NT5E: variants seen among roughly 807,000 people sequenced by gnomAD.
NT5E encodes 5'-nucleotidase ecto, also known as 5'-nucleotidase.
In NT5E, 53 loss-of-function variants were observed where a neutral mutation model predicts 55.1. That is an observed-to-expected ratio of 0.96 (90% CI 0.77 to 1.21). The LOEUF (loss-of-function observed/expected upper bound fraction) is 1.21. NT5E is among the 50% of genes most tolerant of loss of function. The pLI is 0.00. For synonymous variants in NT5E, 270 were observed against 278.4 expected (o/e 0.97, Z 0.30); for missense variants, 683 against 724.3 (o/e 0.94, Z 0.65).
At chr6:85,488,944 A>G (rs1359268484) in intron 5 of NT5E, among the ~76,000 whole-genome samples, 1 of 110,374 alleles carries the variant, frequency 9.1e-6, no homozygotes, top group Admixed American at 1.1e-4. Context: ...TTTATTTCTT[A>G]TAACTAAACA....
At chr6:85,485,563 T>C (rs1769635954) in intron 4 of NT5E, 131 bp downstream of exon 4, 1 of 952,898 alleles carries the variant, frequency 1.0e-6, no homozygotes, top group South Asian at 1.4e-5. Context: ...AGTTTCTTCC[T>C]TGAGTTTGCC....
chr6:85,475,725 G>A (rs1378117016), intron 3 of NT5E, among the ~76,000 whole-genome samples: 2 of 152,174 alleles, frequency 1.3e-5, no homozygotes, highest in East Asian at 3.8e-4. Flanking sequence ...TTGCCTCCCA[G>A]TATTTTAAGT....
chr6:85,477,932 C>T (rs936207593), intron 3 of NT5E, among the ~76,000 whole-genome samples: 2 of 150,708 alleles, frequency 1.3e-5, no homozygotes, highest in African/African-American at 2.5e-5. Flanking sequence ...GAGGCTGAGG[C>T]AGGAGCATCA....
chr6:85,485,663 T>C (rs1190593359), intron 4 of NT5E, among the ~76,000 whole-genome samples: 2 of 152,228 alleles, frequency 1.3e-5, no homozygotes, highest in Admixed American at 6.5e-5. Context: ...CATACATCAC[T>C]GCTTCCTCTG....
chr6:85,458,810 C>T (rs767155057), intron 1 of NT5E, among the ~76,000 whole-genome samples: 17 of 152,138 alleles, frequency 1.1e-4, no homozygotes, highest in Admixed American at 8.5e-4. Context: ...AGAGTTTGTA[C>T]GTCCCCCCTC....
rs1163771300 is a variant in NT5E at position 85,450,228 on chromosome 6, C to T, written c.89C>T (p.Thr30Met). ...LWPAAGAWEL[T>M]ILHTNDVHSR... is the part of the protein sequence containing the mutation. Reference sequence around the variant, plus strand: ...CCTGCGGCTGGCGCCTGGGAGCTTACGATTTTGCACACCAACGACGTGCAC... The same window carrying T: ...CCTGCGGCTGGCGCCTGGGAGCTTATGATTTTGCACACCAACGACGTGCAC... The change falls in exon 1 of 9, where the codon ACG (threonine) becomes ATG (methionine). Residue 30 changes from threonine (T) to methionine (M), a missense_variant. Transcript: ENST00000257770. The surrounding 1 kb of genome is among the most constrained non-coding windows in gnomAD (Gnocchi z 4.0). 2 of 1,609,968 alleles carry T rather than the reference C, an allele frequency of 1.2e-6. No individual in the cohort carries two copies. The highest frequency in any genetic ancestry group is 1.1e-5 in the South Asian group (1 of 90,430).
chr6:85,465,546 G>A (rs1041932777), intron 1 of NT5E, among the ~76,000 whole-genome samples: 2 of 152,272 alleles, frequency 1.3e-5, no homozygotes, highest in Admixed American at 6.5e-5. Flanking sequence ...ACAGGAAGAG[G>A]TAAAAATGAG....
At chr6:85,493,776 G>C (rs923652512) in intron 8 of NT5E, 65 bp from the exon 9 acceptor site, 165 of 1,391,702 alleles carry the variant, frequency 1.2e-4, no homozygotes, top group Non-Finnish European at 1.1e-4. Context: ...AATTACAAAG[G>C]ACTACCTTAC....
intron 6 of NT5E, 56 bp downstream of exon 6, chr6:85,489,655 T>C: frequency 7.0e-6 from 9 of 1,294,138 alleles, no homozygotes; most frequent in Non-Finnish European, 8.9e-6. Context: ...GATCTCCTTT[T>C]CTGTTATGGT....
chr6:85,489,910 C>A (rs1168546361), intron 6 of NT5E, among the ~76,000 whole-genome samples: 1 of 152,106 alleles, frequency 6.6e-6, no homozygotes, highest in Admixed American at 6.5e-5. Context: ...CTGATTTATG[C>A]AAAATAACAA....
intron 3 of NT5E, among the ~76,000 whole-genome samples, chr6:85,473,121 T>G (rs1234678301): frequency 6.6e-6 from 1 of 152,112 alleles, no homozygotes; most frequent in Non-Finnish European, 1.5e-5. Context: ...AACAACTCCA[T>G]GAGGGTTAAA....
At position 85,495,304 on chromosome 6, in the gene NT5E, G is replaced by C. The variant is rs1190046266; in HGVS notation, c.*1300G>C. The C allele has an allele frequency of 6.6e-6, 1 of 152,154 alleles. No homozygotes were observed. Among genetic ancestry groups the C allele is most frequent in the African/African-American group, 2.4e-5 (1 of 41,442 alleles). The allele number at this position is 152,154 out of a possible 1,614,324, so 9.4% of individuals were successfully genotyped here. ...GCTGATGAAATGACCTATGCCCAAA[G>C]AACAAATACTTAACGTGGGAGTGGA... On this transcript the variant is annotated 3_prime_UTR_variant, in exon 9 of 9. Transcript: ENST00000257770.
At chr6:85,485,565 G>A (rs895466045) in intron 4 of NT5E, 133 bp downstream of exon 4, 9 of 933,002 alleles carry the variant, frequency 9.6e-6, no homozygotes, top group Non-Finnish European at 1.5e-5. Context: ...TTTCTTCCTT[G>A]AGTTTGCCCT....
At chr6:85,493,384 T>C (rs1263381730) in intron 8 of NT5E, among the ~76,000 whole-genome samples, 1 of 152,134 alleles carries the variant, frequency 6.6e-6, no homozygotes, top group Non-Finnish European at 1.5e-5. Context: ...ATGGGTTTGT[T>C]GTAGCTATAG....
chr6:85,451,228 AAGAAAGAAAG>A lies in NT5E; in HGVS notation c.339+762_339+771del, dbSNP rs1437222635. Among the ~76,000 whole-genome samples, 6 of 152,236 alleles carry A rather than the reference AAGAAAGAAAG, an allele frequency of 3.9e-5. 1 individual carries two copies. Among genetic ancestry groups the A allele is most frequent in the East Asian group, 3.9e-4 (2 of 5,192 alleles). ...AATATAGGGTTAAGAAAAGGAAAGA[AAGAAAGAAAG>A]AGAAAGAAAGAAAGAAACTTCAGAG... On this transcript the variant is annotated intron_variant, in intron 1 of 8. Coordinates refer to ENST00000257770, the MANE Select transcript of NT5E (RefSeq NM_002526.4).
intron 3 of NT5E, among the ~76,000 whole-genome samples, chr6:85,472,485 C>A (rs952948420): frequency 6.6e-6 from 1 of 152,108 alleles, no homozygotes; most frequent in Non-Finnish European, 1.5e-5. Context: ...AGGAAAGAAA[C>A]ACAATATTGG....
chr6:85,462,057 T>C (rs1300776265), intron 1 of NT5E, among the ~76,000 whole-genome samples: 1 of 152,096 alleles, frequency 6.6e-6, no homozygotes, highest in Non-Finnish European at 1.5e-5. Flanking sequence ...GCCCGTGCCC[T>C]CATGCCCAGC....
intron 3 of NT5E, among the ~76,000 whole-genome samples, chr6:85,473,865 C>T (rs1769372997): frequency 6.6e-6 from 1 of 152,182 alleles, no homozygotes; most frequent in South Asian, 2.1e-4. Context: ...CAGATGTGAA[C>T]ATTCCTGTGT....
At chr6:85,451,815 A>G (rs1430749423) in intron 1 of NT5E, among the ~76,000 whole-genome samples, 1 of 152,166 alleles carries the variant, frequency 6.6e-6, no homozygotes, top group Non-Finnish European at 1.5e-5. Context: ...AAACTTGGAG[A>G]AAGGAGGACA....
Sources: allele counts gnomAD v4.1 joint callset (sites outside exome capture counted in the v4.1 genomes callset), GRCh38; gene constraint gnomAD v4.1.1; non-coding constraint Gnocchi (gnomAD v3.1); transcripts MANE v1.5; gene names NCBI Gene and HGNC (gene_info 2026-07-23, HGNC 2026-07-21).